Variants in BCR observed in about 807,000 individuals in gnomAD.
BCR encodes the protein BCR activator of RhoGEF and GTPase, also known as breakpoint cluster region protein.
A neutral mutation model predicts 138.6 loss-of-function variants in BCR; 58 were observed. The observed-to-expected ratio is 0.42, with a 90% CI of 0.34 to 0.52. The LOEUF (loss-of-function observed/expected upper bound fraction) is 0.52. Among genes scored for constraint, BCR ranks in the 20% least tolerant of loss-of-function variants. The probability of loss-of-function intolerance (pLI) is 0.06; values close to 1 mark genes in which losing one functional copy is unlikely to be tolerated. For synonymous variants in BCR, 786 were observed against 730.1 expected (o/e 1.08, Z -1.23); for missense variants, 1,599 against 1,727.2 (o/e 0.93, Z 1.32).
At chr22:23,193,066 A>G (rs1046456010) in intron 1 of BCR, among the ~76,000 whole-genome samples, 21 of 152,210 alleles carry the variant, frequency 1.4e-4, no homozygotes, top group African/African-American at 4.6e-4. Flanking sequence ...CCTCTACTCA[A>G]GTGCCACTGT....
intron 1 of BCR, among the ~76,000 whole-genome samples, chr22:23,245,173 C>T (rs186518903): frequency 2.0e-5 from 3 of 152,296 alleles, no homozygotes; most frequent in Admixed American, 1.3e-4. Context: ...TGGACTTTCT[C>T]CTCCAAGAAA....
intron 12 of BCR, among the ~76,000 whole-genome samples, chr22:23,288,783 T>G (rs1267410769): frequency 6.6e-6 from 1 of 152,178 alleles, no homozygotes; most frequent in Non-Finnish European, 1.5e-5. Context: ...GGCACTTCCC[T>G]CTGTCAGGGC....
intron 2 of BCR, among the ~76,000 whole-genome samples, chr22:23,259,676 C>T (rs1471486128): frequency 6.6e-6 from 1 of 152,002 alleles, no homozygotes; most frequent in East Asian, 1.9e-4. Context: ...GCCACCACAC[C>T]CGGCTAATTT....
At chr22:23,232,442 G>A (rs1415554817) in intron 1 of BCR, among the ~76,000 whole-genome samples, 2 of 152,226 alleles carry the variant, frequency 1.3e-5, no homozygotes, top group African/African-American at 4.8e-5. Flanking sequence ...AGCACTACTG[G>A]CACAAGGGTA....
chr22:23,214,876 A>T (rs2072733328), intron 1 of BCR, among the ~76,000 whole-genome samples: 1 of 152,204 alleles, frequency 6.6e-6, no homozygotes, highest in Non-Finnish European at 1.5e-5. Flanking sequence ...TCGATGCATG[A>T]CATTAACTAC....
intron 1 of BCR, among the ~76,000 whole-genome samples, chr22:23,206,881 A>T (rs1308356723): frequency 2.9e-5 from 4 of 135,852 alleles, no homozygotes; most frequent in South Asian, 4.2e-4. Flanking sequence ...CATCCATTTA[A>T]CTATTCTTTA....
chr22:23,300,721 G>C (rs564561490), intron 16 of BCR, among the ~76,000 whole-genome samples: 1 of 152,220 alleles, frequency 6.6e-6, no homozygotes, highest in Non-Finnish European at 1.5e-5. Context: ...CTTGTACCTG[G>C]TCAGGTGCCC....
chr22:23,226,054 C>T (rs997640802), intron 1 of BCR, among the ~76,000 whole-genome samples: 1 of 152,246 alleles, frequency 6.6e-6, no homozygotes, highest in Non-Finnish European at 1.5e-5. Flanking sequence ...CTGCCGGAGC[C>T]TGGGTCCCCT....
chr22:23,211,095 G>A (rs373009892), intron 1 of BCR, among the ~76,000 whole-genome samples: 20 of 152,190 alleles, frequency 1.3e-4, no homozygotes, highest in East Asian at 7.7e-4. Context: ...GCAACCACCA[G>A]TCTGCTTTCT....
intron 1 of BCR, among the ~76,000 whole-genome samples, chr22:23,241,921 A>G (rs927328826): frequency 2.0e-5 from 3 of 151,250 alleles, no homozygotes; most frequent in African/African-American, 7.3e-5. Context: ...CTCCCCACAA[A>G]ATCACCCTCT....
intron 8 of BCR, among the ~76,000 whole-genome samples, chr22:23,276,694 T>G (rs2073580989): frequency 6.6e-6 from 1 of 152,216 alleles, no homozygotes. Flanking sequence ...CCCCTGCCAT[T>G]CCTGGGGCAG....
Position 23,181,124 on chromosome 22 carries a change from G to T in BCR, c.164G>T (p.Arg55Leu), listed in dbSNP as rs756444959. 1.3e-6 allele frequency: 2 copies of T among 1,496,486 alleles called. No individual in the cohort carries two copies. The highest frequency in any genetic ancestry group is 2.1e-5 in the Admixed American group (1 of 48,014). 92.7% of individuals were successfully genotyped at this position (1,496,486 alleles called of 1,614,324 possible). A position where few individuals can be genotyped will look rare whatever the true frequency, so the allele number is the denominator to read the frequency against. ...LEQEVNQERF[R>L]MIYLQTLLAK... ...CAGGAGGTGAACCAGGAGCGCTTCC[G>T]CATGATCTACCTGCAGACGTTGCTG... Residue 55 changes from arginine to leucine, a missense_variant, in exon 1 of 23, where the codon CGC (arginine) becomes CTC (leucine). By Grantham distance (102) the Arg-to-Leu change is moderately radical (BLOSUM62 -2). Transcript: ENST00000305877.
chr22:23,277,892 AGCTTCCTGG>A (rs1568969396), intron 8 of BCR, among the ~76,000 whole-genome samples: 3 of 152,140 alleles, frequency 2.0e-5, no homozygotes, highest in Non-Finnish European at 4.4e-5. Context: ...CAGGTGCTCC[AGCTTCCTGG>A]CATCCTGGCC....
intron 11 of BCR, 130 bp from the exon 12 acceptor site, chr22:23,287,967 G>A (rs1236570024): frequency 1.2e-6 from 1 of 849,188 alleles, no homozygotes; most frequent in African/African-American, 1.7e-5. Flanking sequence ...GCCAGGCCGT[G>A]AGCACACCTG....
chr22:23,283,635 C>G (rs977558801), intron 8 of BCR: 1 of 216,662 alleles, frequency 4.6e-6, no homozygotes, highest in African/African-American at 2.3e-5. Flanking sequence ...CACCCATCTT[C>G]ACAGCAGACT....
intron 16 of BCR, among the ~76,000 whole-genome samples, chr22:23,305,176 A>T (rs2073944204): frequency 6.6e-6 from 1 of 151,748 alleles, no homozygotes; most frequent in Non-Finnish European, 1.5e-5. Context: ...CATAGACTAC[A>T]GCAGGAGGCC....
At chr22:23,313,134 G>GGTC (rs2146330835) in intron 20 of BCR, 113 bp downstream of exon 20, 1 of 1,360,570 alleles carries the variant, frequency 7.3e-7, no homozygotes, top group East Asian at 2.5e-5. Flanking sequence ...CCTCTGCCAT[G>GGTC]GTCGGCATTT....
At chr22:23,250,072 G>C (rs182260791) in intron 1 of BCR, among the ~76,000 whole-genome samples, 9 of 152,370 alleles carry the variant, frequency 5.9e-5, no homozygotes, top group Admixed American at 3.9e-4. Flanking sequence ...CCGGGCACTT[G>C]ATTCTTGCAC....
intron 16 of BCR, among the ~76,000 whole-genome samples, chr22:23,304,913 A>C (rs1002019621): frequency 6.6e-6 from 1 of 152,162 alleles, no homozygotes. Flanking sequence ...TCAGGAGTTC[A>C]AGACCAGCCT....
Sources: allele counts gnomAD v4.1 joint callset (sites outside exome capture counted in the v4.1 genomes callset), GRCh38; gene constraint gnomAD v4.1.1; transcripts MANE v1.5; gene names NCBI Gene and HGNC (gene_info 2026-07-23, HGNC 2026-07-21).